Variants in INSL6 observed in about 807,000 individuals in gnomAD.
INSL6 encodes the protein insulin-like peptide INSL6.
INSL6 carries 16 observed loss-of-function variants against 9.4 expected under a neutral mutation model. The observed-to-expected ratio is 1.70, with a 90% CI of 1.15 to 2.59. The LOEUF is 2.59. Among genes scored for constraint, INSL6 ranks in the 30% most tolerant of loss-of-function variants. The pLI, the probability that INSL6 is intolerant of heterozygous loss-of-function variation, is 0.00. For synonymous variants in INSL6, 154 were observed against 96.9 expected (o/e 1.59, Z -3.46); for missense variants, 391 against 257.3 (o/e 1.52, Z -3.56).
the INSL6 span, chr9:5,111,427 C>T: frequency 4.3e-5 from 17 of 397,060 alleles, no homozygotes; most frequent in East Asian, 1.0e-3. Flanking sequence ...CCACGAAGGT[C>T]GGGAAGGTCC....
chr9:5,078,158 A>G, the INSL6 span: 1 of 572,294 alleles, frequency 1.7e-6, no homozygotes. Flanking sequence ...TAGGAGTCAT[A>G]AATTTCCTTT....
chr9:5,041,754 G>A, the INSL6 span: 1 of 490,588 alleles, frequency 2.0e-6, no homozygotes, highest in South Asian at 1.5e-5. Flanking sequence ...CATCAGCAGT[G>A]TCCACACCGA....
chr9:5,029,367 A>T, the INSL6 span, among the ~76,000 whole-genome samples: 2 of 152,216 alleles, frequency 1.3e-5, no homozygotes, highest in Non-Finnish European at 2.9e-5. Context: ...AATGTCAAAG[A>T]TCACTGATCA....
the INSL6 span, chr9:5,100,967 C>A: frequency 2.0e-5 from 3 of 152,304 alleles, no homozygotes; most frequent in African/African-American, 7.2e-5. Context: ...GCATGATCGA[C>A]GCAGAAGATG....
intron 1 of INSL6, among the ~76,000 whole-genome samples, chr9:5,168,686 A>C (rs1006962100): frequency 1.3e-5 from 2 of 151,596 alleles, no homozygotes; most frequent in Non-Finnish European, 2.9e-5. Flanking sequence ...GAATTTCCCC[A>C]AATTAGCAAG....
In INSL6 at chr9:5,175,267, C is replaced by T. The variant is rs1209344885; in HGVS notation, c.289+10047G>A. 3.9e-5 allele frequency among the ~76,000 whole-genome samples: 6 copies of T among 152,216 alleles called. No homozygotes were observed. In the East Asian group the frequency reaches 1.2e-3, roughly 29 times the overall value. ...GGAGTCATTCTTGATTTCTCTTCCT[C>T]ATATCTCACATCAAATATGGCCCGT... On this transcript the variant is annotated intron_variant, in intron 1 of 1. Transcript: ENST00000381641.
intron 2 of INSL6, among the ~76,000 whole-genome samples, chr9:5,144,694 T>C (rs1824568256): frequency 6.6e-6 from 1 of 152,208 alleles, no homozygotes; most frequent in African/African-American, 2.4e-5. Flanking sequence ...TAGTTCCATT[T>C]TCTTGTTGAA....
At chr9:5,023,316 G>C in the INSL6 span, among the ~76,000 whole-genome samples, 1 of 152,172 alleles carries the variant, frequency 6.6e-6, no homozygotes, top group African/African-American at 2.4e-5. Flanking sequence ...TTCCATCCAT[G>C]TTGCTGTGAA....
At chr9:5,065,302 A>G in the INSL6 span, among the ~76,000 whole-genome samples, 1 of 152,204 alleles carries the variant, frequency 6.6e-6, no homozygotes, top group African/African-American at 2.4e-5. Context: ...TCACTCCTGC[A>G]TGTTACTAAA....
chr9:5,168,301 C>T (rs985085135), intron 1 of INSL6, among the ~76,000 whole-genome samples: 1 of 152,108 alleles, frequency 6.6e-6, no homozygotes, highest in African/African-American at 2.4e-5. Flanking sequence ...TATGTTCAAA[C>T]TTGTTGCAAA....
chr9:5,137,208 A>T (rs1824402396), intron 2 of INSL6, among the ~76,000 whole-genome samples: 1 of 152,194 alleles, frequency 6.6e-6, no homozygotes, highest in Non-Finnish European at 1.5e-5. Context: ...TAATTTATAG[A>T]TTCAATGCTA....
chr9:5,031,387 T>C, the INSL6 span, among the ~76,000 whole-genome samples: 1 of 152,130 alleles, frequency 6.6e-6, no homozygotes, highest in Non-Finnish European at 1.5e-5. Flanking sequence ...ATGAGAATGA[T>C]GGGGCCAGTA....
intron 1 of INSL6, among the ~76,000 whole-genome samples, chr9:5,172,473 A>G (rs1825204099): frequency 6.6e-6 from 1 of 152,280 alleles, no homozygotes; most frequent in Non-Finnish European, 1.5e-5. Flanking sequence ...ATCTAATTAA[A>G]CTAAAGAACT....
At chr9:5,023,029 C>T in the INSL6 span, among the ~76,000 whole-genome samples, 1 of 152,176 alleles carries the variant, frequency 6.6e-6, no homozygotes, top group African/African-American at 2.4e-5. Flanking sequence ...TTTCAAGTTC[C>T]TTCTAGCTAT....
the INSL6 span, among the ~76,000 whole-genome samples, chr9:5,016,264 G>T: frequency 6.6e-6 from 1 of 152,104 alleles, no homozygotes; most frequent in Non-Finnish European, 1.5e-5. Flanking sequence ...GATCTGCATC[G>T]TATCAGATAC....
the INSL6 span, chr9:5,090,921 T>C: frequency 1.9e-6 from 3 of 1,545,136 alleles, no homozygotes; most frequent in East Asian, 2.3e-5. Flanking sequence ...GGTGAGTATA[T>C]TTCAGTATGA....
At chr9:5,135,653 G>T (rs1039697859) in intron 2 of INSL6, among the ~76,000 whole-genome samples, 1 of 152,044 alleles carries the variant, frequency 6.6e-6, no homozygotes, top group Non-Finnish European at 1.5e-5. Flanking sequence ...AGCACTAAGT[G>T]CCCACAAGAG....
intron 1 of INSL6, among the ~76,000 whole-genome samples, chr9:5,171,401 T>A (rs1825177993): frequency 6.6e-6 from 1 of 152,130 alleles, no homozygotes; most frequent in Non-Finnish European, 1.5e-5. Context: ...TAAAGCTGGA[T>A]TCATTCCCTT....
the INSL6 span, chr9:5,029,886 T>C: frequency 6.2e-7 from 1 of 1,611,234 alleles, no homozygotes; most frequent in Admixed American, 1.7e-5. Context: ...CAACCAGGCA[T>C]AATGTACTCT....
Sources: gnomAD v4.1 joint callset for allele counts (sites outside exome capture counted in the v4.1 genomes callset) on GRCh38, gnomAD v4.1.1 for gene constraint, MANE v1.5 for transcripts, NCBI Gene and HGNC (gene_info 2026-07-23, HGNC 2026-07-21) for gene names.